The following NCKAP5 variants were observed in gnomAD, a reference collection of about 807,000 sequenced individuals.
The protein encoded by NCKAP5 is NCK associated protein 5.
In NCKAP5, 92 loss-of-function variants were observed where a neutral mutation model predicts 167.0. The ratio of observed to expected loss-of-function variants is 0.55; its 90% CI spans 0.47 to 0.66. The LOEUF (loss-of-function observed/expected upper bound fraction) is 0.66, where lower values mean the gene tolerates loss of function less well. NCKAP5 is among the 30% of genes least tolerant of loss of function. The pLI is 0.00. For synonymous variants in NCKAP5, 891 were observed against 877.4 expected (o/e 1.02, Z -0.27); for missense variants, 2,378 against 2,315.0 (o/e 1.03, Z -0.56).
At chr2:133,609,437 A>T in the NCKAP5 span, among the ~76,000 whole-genome samples, 1 of 152,222 alleles carries the variant, frequency 6.6e-6, no homozygotes, top group South Asian at 2.1e-4. Context: ...GAAGAAGAAC[A>T]ATTCCTGGCA....
At chr2:133,214,450 C>A (rs1022810642) in intron 4 of NCKAP5, among the ~76,000 whole-genome samples, 1 of 152,136 alleles carries the variant, frequency 6.6e-6, no homozygotes, top group African/African-American at 2.4e-5. Flanking sequence ...CTTATCATTT[C>A]TTCAGTGTGT....
At chr2:132,834,173 T>C (rs1370928627) in intron 11 of NCKAP5, among the ~76,000 whole-genome samples, 2 of 152,130 alleles carry the variant, frequency 1.3e-5, no homozygotes, top group Admixed American at 6.5e-5. Flanking sequence ...TAATTTGACT[T>C]CCTTTTTTTC....
intron 6 of NCKAP5, among the ~76,000 whole-genome samples, chr2:133,086,580 T>C (rs2080999543): frequency 6.6e-6 from 1 of 152,148 alleles, no homozygotes; most frequent in African/African-American, 2.4e-5. Flanking sequence ...AATTCAATGC[T>C]GCAGAGAGCT....
chr2:133,457,854 C>A (rs971583356), intron 3 of NCKAP5, among the ~76,000 whole-genome samples: 2 of 152,130 alleles, frequency 1.3e-5, no homozygotes, highest in Non-Finnish European at 2.9e-5. Context: ...AAATGGTACA[C>A]CTTACAATTT....
At chr2:132,715,015 T>A (rs1689231798) in intron 19 of NCKAP5, 3 of 401,236 alleles carry the variant, frequency 7.5e-6, no homozygotes, top group African/African-American at 6.3e-5. Flanking sequence ...CCCAAGCTCA[T>A]CTCCTTGGTT....
intron 7 of NCKAP5, among the ~76,000 whole-genome samples, chr2:132,979,977 TC>T (rs1165058345): frequency 2.0e-5 from 3 of 146,552 alleles, no homozygotes; most frequent in Admixed American, 2.0e-4. Context: ...ATTTTTTTTT[TC>T]TTTTTCTTTT....
chr2:133,388,886 C>T (rs1687193446), intron 3 of NCKAP5, among the ~76,000 whole-genome samples: 1 of 152,214 alleles, frequency 6.6e-6, no homozygotes, highest in Non-Finnish European at 1.5e-5. Context: ...CCATTGGAAA[C>T]ACGCAGTATT....
chr2:132,993,045 C>T (rs760364572), intron 7 of NCKAP5, among the ~76,000 whole-genome samples: 1 of 152,140 alleles, frequency 6.6e-6, no homozygotes, highest in African/African-American at 2.4e-5. Context: ...CTTTTCACAA[C>T]CAGTTGGGTT....
At chr2:132,831,785 C>T (rs1320295371) in intron 11 of NCKAP5, among the ~76,000 whole-genome samples, 1 of 151,838 alleles carries the variant, frequency 6.6e-6, no homozygotes, top group Non-Finnish European at 1.5e-5. Flanking sequence ...GATTTTGTAT[C>T]TTGCTTAGGA....
chr2:132,997,194 T>G (rs1169987168), intron 6 of NCKAP5, among the ~76,000 whole-genome samples: 2 of 152,000 alleles, frequency 1.3e-5, no homozygotes, highest in African/African-American at 2.4e-5. Flanking sequence ...AGCAGCAGAG[T>G]GAGGAAACTG....
intron 3 of NCKAP5, among the ~76,000 whole-genome samples, chr2:133,376,704 C>T (rs1686170367): frequency 6.6e-6 from 1 of 152,164 alleles, no homozygotes; most frequent in Non-Finnish European, 1.5e-5. Flanking sequence ...AAATGGAGAG[C>T]ATTTGGGCCC....
At chr2:133,665,100 T>C in the NCKAP5 span, among the ~76,000 whole-genome samples, 1 of 152,244 alleles carries the variant, frequency 6.6e-6, no homozygotes, top group African/African-American at 2.4e-5. Flanking sequence ...CCACTAAAAC[T>C]TTCTCCATAA....
intron 6 of NCKAP5, among the ~76,000 whole-genome samples, chr2:133,031,769 C>T (rs1055704163): frequency 1.3e-5 from 2 of 152,034 alleles, no homozygotes; most frequent in African/African-American, 2.4e-5. Context: ...TATTGGATAC[C>T]GGCTGAGCCA....
intron 6 of NCKAP5, among the ~76,000 whole-genome samples, chr2:133,120,259 T>C (rs2082209694): frequency 6.6e-6 from 1 of 152,204 alleles, no homozygotes; most frequent in South Asian, 2.1e-4. Context: ...TGCTTCATTC[T>C]TAAGAAACAT....
intron 7 of NCKAP5, among the ~76,000 whole-genome samples, 181 bp from the exon 8 acceptor site, chr2:132,964,050 G>A (rs2076593253): frequency 6.6e-6 from 1 of 152,182 alleles, no homozygotes; most frequent in Non-Finnish European, 1.5e-5. Context: ...ACTGACCCCT[G>A]GAAGGACAAG....
intron 3 of NCKAP5, among the ~76,000 whole-genome samples, chr2:133,418,310 G>A (rs1689253228): frequency 6.6e-6 from 1 of 152,170 alleles, no homozygotes; most frequent in South Asian, 2.1e-4. Context: ...CTTCCAACAA[G>A]CACAGAACCT....
intron 8 of NCKAP5, among the ~76,000 whole-genome samples, chr2:132,924,247 G>A (rs781371471): frequency 7.2e-5 from 11 of 151,870 alleles, no homozygotes; most frequent in African/African-American, 1.5e-4. Flanking sequence ...TCCCATAACC[G>A]CAGTGGCCAT....
intron 3 of NCKAP5, among the ~76,000 whole-genome samples, chr2:133,413,781 G>A (rs1031451741): frequency 1.3e-5 from 2 of 152,136 alleles, no homozygotes; most frequent in African/African-American, 2.4e-5. Context: ...AGCATCTGAT[G>A]CCTTCAGACA....
At chr2:132,894,666 T>C (rs1187388308) in intron 8 of NCKAP5, among the ~76,000 whole-genome samples, 1 of 152,142 alleles carries the variant, frequency 6.6e-6, no homozygotes, top group African/African-American at 2.4e-5. Context: ...GATTAAACTT[T>C]AGGGAGATTA....
Sources: gnomAD v4.1 joint callset for allele counts (sites outside exome capture counted in the v4.1 genomes callset) on GRCh38, gnomAD v4.1.1 for gene constraint, MANE v1.5 for transcripts, NCBI Gene and HGNC (gene_info 2026-07-23, HGNC 2026-07-21) for gene names.